SATB1: variants seen among roughly 807,000 people sequenced by gnomAD.
SATB1 encodes the protein DNA-binding protein SATB1.
SATB1 carries 11 observed loss-of-function variants against 86.9 expected under a neutral mutation model. The observed-to-expected ratio is 0.13, with a 90% CI of 0.08 to 0.21. The LOEUF is 0.21. SATB1 is among the 10% of genes least tolerant of loss of function. The pLI is 1.00. For missense variants in SATB1, 551 were observed against 937.6 expected (o/e 0.59, Z 5.39); for synonymous variants, 357 against 357.2 (o/e 1.00, Z 0.01).
At chr3:18,368,408 G>GA (rs1172509783) in intron 9 of SATB1, among the ~76,000 whole-genome samples, 3 of 151,780 alleles carry the variant, frequency 2.0e-5, no homozygotes, top group African/African-American at 7.3e-5. Flanking sequence ...TGAATAGGAA[G>GA]AAAAAATATC....
Position 18,424,037 on chromosome 3 carries a change from A to G in SATB1, c.-435T>C, listed in dbSNP as rs1389033109. 6.6e-6 allele frequency: 1 copy of G among 151,564 alleles called. No individual in the cohort carries two copies. Among genetic ancestry groups the G allele is most frequent in the Non-Finnish European group, 1.5e-5 (1 of 67,932 alleles). 9.4% of individuals were successfully genotyped at this position (151,564 alleles called of 1,614,324 possible). ...ATCTGACAAGTGATTCGTTGGGGGG[A>G]AATCGTAAAAACAAAGCAAAACCCG... On this transcript the variant is annotated 5_prime_UTR_variant, in exon 1 of 11. Coordinates refer to ENST00000338745, the MANE Select transcript of SATB1 (RefSeq NM_002971.6).
Position 18,391,592 on chromosome 3 carries a change from T to C in SATB1, c.1206+2870A>G, listed in dbSNP as rs147944520. On this transcript the variant is annotated intron_variant, in intron 7 of 10. Coordinates refer to ENST00000338745, the MANE Select transcript of SATB1 (RefSeq NM_002971.6). ...CCCTTCCTGTGTCCATGTGATCTCA[T>C]TGTTCAATTCCCACCTATGAGTGAG... is the stretch of plus-strand genomic sequence containing the variant. 7.8e-3 allele frequency among the ~76,000 whole-genome samples: 1,079 copies of C among 138,744 alleles called. 34 individuals carry two copies. Among genetic ancestry groups the C allele is most frequent in the Admixed American group, 0.063 (793 of 12,530 alleles). 91.0% of individuals were successfully genotyped at this position (138,744 alleles called of 152,430 possible).
intron 9 of SATB1, among the ~76,000 whole-genome samples, chr3:18,368,972 T>A (rs1695320914): frequency 6.6e-6 from 1 of 152,170 alleles, no homozygotes. Context: ...AGTTACCTAC[T>A]GTGCCTGCAT....
chr3:18,349,097 A>T lies in SATB1; in HGVS notation c.*73T>A. The T allele has an allele frequency of 6.5e-7, 1 of 1,541,162 alleles. No individual in the cohort carries two copies. The highest frequency in any genetic ancestry group is 1.4e-5 in the African/African-American group (1 of 72,474). ...CAATGAACAACAAAGGTTTTCTGAG[A>T]GAAGACAAGGTGGACTTTTCATTTT... is the stretch of plus-strand genomic sequence containing the variant. On this transcript the variant is annotated 3_prime_UTR_variant, in exon 11 of 11. Transcript: ENST00000338745. The surrounding 1 kb of genome is among the most constrained non-coding windows in gnomAD (Gnocchi z 5.5).
chr3:18,415,912 T>A, intron 4 of SATB1, 95 bp downstream of exon 4: 2 of 1,200,698 alleles, frequency 1.7e-6, no homozygotes, highest in Non-Finnish European at 2.3e-6. Context: ...AAACACAGAC[T>A]AAAAAAAAAT....
At chr3:18,358,368 G>A (rs1353917603) in intron 9 of SATB1, among the ~76,000 whole-genome samples, 1 of 151,948 alleles carries the variant, frequency 6.6e-6, no homozygotes, top group African/African-American at 2.4e-5. Context: ...ATAACATTAT[G>A]AGAGGCCCCC....
At chr3:18,355,353 TATTG>T (rs1694577833) in intron 9 of SATB1, among the ~76,000 whole-genome samples, 1 of 152,104 alleles carries the variant, frequency 6.6e-6, no homozygotes, top group Admixed American at 6.5e-5. Flanking sequence ...CCTCAAATTC[TATTG>T]ATTGTTACTC....
chr3:18,395,250 T>C (rs974373159), intron 6 of SATB1, among the ~76,000 whole-genome samples: 1 of 152,206 alleles, frequency 6.6e-6, no homozygotes, highest in Non-Finnish European at 1.5e-5. Flanking sequence ...CAACAATTTT[T>C]AAAAATGGCT....
At chr3:18,353,106 C>G (rs1304031568) in intron 9 of SATB1, 1 of 152,306 alleles carries the variant, frequency 6.6e-6, no homozygotes, top group Non-Finnish European at 1.5e-5. Context: ...GCAGCTACCC[C>G]TCAGCTGTTC....
At chr3:18,367,550 A>G (rs1276119442) in intron 9 of SATB1, among the ~76,000 whole-genome samples, 2 of 152,182 alleles carry the variant, frequency 1.3e-5, no homozygotes, top group African/African-American at 4.8e-5. Context: ...CAAATGGAAA[A>G]TGTCTTCTTA....
intron 6 of SATB1, 64 bp downstream of exon 6, chr3:18,397,115 T>G: frequency 1.1e-6 from 1 of 935,238 alleles, no homozygotes; most frequent in South Asian, 1.3e-5. Context: ...AGATGTGACT[T>G]TGATAAACCC....
chr3:18,406,500 C>A lies in SATB1; in HGVS notation c.639+8611G>T, dbSNP rs140316240. The stretch of plus-strand genomic sequence containing the variant: ...CTGAGACAAAATGAAAATTATTAGC[C>A]AGGCTGAAATACATGTACAATTGTG... On this transcript the variant is annotated intron_variant, in intron 5 of 10. Coordinates refer to ENST00000338745, the MANE Select transcript of SATB1 (RefSeq NM_002971.6). Among the ~76,000 whole-genome samples the A allele has an allele frequency of 1.0e-3, 157 of 151,984 alleles. 1 individual carries two copies. Among genetic ancestry groups the A allele is most frequent in the African/African-American group, 3.4e-3 (141 of 41,504 alleles).
rs1282582563 is a variant in SATB1 at position 18,409,246 on chromosome 3, C to T, written c.639+5865G>A. ...AAATTAGATGCTTTATTAAGTTTGG[C>T]TTTTTTGATTAATATACCTGAAAGG... On this transcript the variant is annotated intron_variant, in intron 5 of 10. Coordinates refer to ENST00000338745, the MANE Select transcript of SATB1 (RefSeq NM_002971.6). 4 of 152,060 alleles carry T rather than the reference C, an allele frequency of 2.6e-5. No individual in the cohort carries two copies. The East Asian group carries it at 7.8e-4, about 30-fold the overall frequency. 9.4% of individuals were successfully genotyped at this position (152,060 alleles called of 1,614,324 possible).
intron 2 of SATB1, among the ~76,000 whole-genome samples, chr3:18,433,868 G>A (rs137898799): frequency 6.6e-6 from 1 of 152,054 alleles, no homozygotes; most frequent in Non-Finnish European, 1.5e-5. Flanking sequence ...CCAACATGAA[G>A]GAAAAAGTTG....
chr3:18,426,004 C>T (rs1390052314), upstream of SATB1, among the ~76,000 whole-genome samples: 5 of 152,138 alleles, frequency 3.3e-5, no homozygotes, highest in Non-Finnish European at 7.3e-5. This position sits in a 1 kb window ranked among gnomAD's most constrained non-coding sequence, Gnocchi z 4.2. Flanking sequence ...GACGCACCGG[C>T]CCCGTGGGAG....
chr3:18,384,440 T>G (rs1696219939), intron 8 of SATB1, among the ~76,000 whole-genome samples: 1 of 137,856 alleles, frequency 7.3e-6, no homozygotes, highest in African/African-American at 2.7e-5. Context: ...AACCACAAAG[T>G]CAAATATCTG....
upstream of SATB1, among the ~76,000 whole-genome samples, chr3:18,428,427 T>C (rs1185917982): frequency 6.6e-6 from 1 of 152,150 alleles, no homozygotes; most frequent in Admixed American, 6.5e-5. Flanking sequence ...TATTGCCACA[T>C]TGGGGATTAA....
intron 9 of SATB1, among the ~76,000 whole-genome samples, chr3:18,354,767 T>C (rs1272356651): frequency 3.9e-5 from 6 of 152,230 alleles, no homozygotes; most frequent in Admixed American, 3.9e-4. Flanking sequence ...CATTAGTTCT[T>C]TTAAAATGGC....
chr3:18,362,546 T>G (rs1694951898), intron 9 of SATB1, among the ~76,000 whole-genome samples: 1 of 151,696 alleles, frequency 6.6e-6, no homozygotes, highest in Non-Finnish European at 1.5e-5. Flanking sequence ...ATGATGTTTC[T>G]GTATTCAAAA....
Sources: allele counts gnomAD v4.1 joint callset (sites outside exome capture counted in the v4.1 genomes callset), GRCh38; gene constraint gnomAD v4.1.1; non-coding constraint Gnocchi (gnomAD v3.1); transcripts MANE v1.5; gene names NCBI Gene and HGNC (gene_info 2026-07-23, HGNC 2026-07-21).